Variants in LY6S observed in about 807,000 individuals in gnomAD.
LY6S encodes lymphocyte antigen 6 family member S, also known as lymphocyte antigen 6S.
At chr8:143,043,422 A>C in the LY6S span, among the ~76,000 whole-genome samples, 1 of 152,272 alleles carries the variant, frequency 6.6e-6, no homozygotes, top group Non-Finnish European at 1.5e-5. Flanking sequence ...GCACCCCAAC[A>C]TCTGCTGGCT....
At chr8:143,043,680 T>A in the LY6S span, among the ~76,000 whole-genome samples, 5,958 of 151,702 alleles carry the variant, frequency 0.039, 320 homozygotes, top group East Asian at 0.15. Flanking sequence ...TTTTTTTTTT[T>A]AAATATCTTT....
the LY6S span, chr8:143,047,630 A>C: frequency 1.3e-5 from 2 of 152,242 alleles, no homozygotes; most frequent in Non-Finnish European, 2.9e-5. Flanking sequence ...CAGAGCAGGC[A>C]TATTTGATTT....
chr8:143,065,320 C>T, the LY6S span, among the ~76,000 whole-genome samples: 6 of 152,192 alleles, frequency 3.9e-5, no homozygotes, highest in African/African-American at 1.4e-4. Context: ...TTCTCTTCCT[C>T]CCCTGGGGAA....
the LY6S span, among the ~76,000 whole-genome samples, chr8:143,046,788 T>C: frequency 6.6e-6 from 1 of 151,704 alleles, no homozygotes; most frequent in African/African-American, 2.4e-5. Context: ...TCACCTGAGG[T>C]CAGGAGTTCG....
At chr8:143,070,457 TATATATAA>T in the LY6S span, among the ~76,000 whole-genome samples, 9 of 45,356 alleles carry the variant, frequency 2.0e-4, no homozygotes, top group East Asian at 0.011. Context: ...TATATATATA[TATATATAA>T]TATATATATA....
chr8:143,070,487 A>ATTTTTT, the LY6S span, among the ~76,000 whole-genome samples: 1 of 84,070 alleles, frequency 1.2e-5, no homozygotes, highest in African/African-American at 7.6e-5. Context: ...ATATATATAT[A>ATTTTTT]TATTTTTTTT....
At chr8:143,061,442 C>A in the LY6S span, among the ~76,000 whole-genome samples, 2 of 152,164 alleles carry the variant, frequency 1.3e-5, no homozygotes, top group Admixed American at 6.5e-5. Context: ...AAACATTTAA[C>A]CACAATAGGA....
chr8:143,046,988 C>T, the LY6S span, among the ~76,000 whole-genome samples: 3 of 151,778 alleles, frequency 2.0e-5, no homozygotes, highest in African/African-American at 4.8e-5. Context: ...GTGACAAGAG[C>T]GAAACTCCAT....
At chr8:143,056,995 T>C in the LY6S span, 5 of 233,322 alleles carry the variant, frequency 2.1e-5, no homozygotes, top group Admixed American at 8.2e-5. Context: ...TTAGGAAAAG[T>C]GCTTCTAAAT....
chr8:143,043,163 G>A, the LY6S span: 2 of 1,367,624 alleles, frequency 1.5e-6, no homozygotes, highest in Non-Finnish European at 2.0e-6. Flanking sequence ...GGCTGAGCAG[G>A]AGCTGTACGC....
the LY6S span, among the ~76,000 whole-genome samples, chr8:143,060,533 G>A: frequency 5.3e-4 from 81 of 152,308 alleles, no homozygotes; most frequent in East Asian, 0.014. Flanking sequence ...TACCAAATAG[G>A]GAAGGGCCCC....
the LY6S span, among the ~76,000 whole-genome samples, chr8:143,048,366 G>C: frequency 7.2e-5 from 11 of 151,926 alleles, no homozygotes. Context: ...TTCTGGCCTC[G>C]TTTCAGACAC....
At chr8:143,044,831 G>A in the LY6S span, 1 of 1,358,978 alleles carries the variant, frequency 7.4e-7, no homozygotes, top group Non-Finnish European at 9.8e-7. Flanking sequence ...GGTGACTGCA[G>A]CACATGCCAG....
chr8:143,072,278 G>A, the LY6S span, among the ~76,000 whole-genome samples: 2 of 28,120 alleles, frequency 7.1e-5, no homozygotes, highest in African/African-American at 2.7e-4. Flanking sequence ...CGTCGTCCCC[G>A]GGGTTCCTGT....
the LY6S span, chr8:143,066,377 G>T: frequency 4.9e-6 from 1 of 205,018 alleles, no homozygotes; most frequent in Admixed American, 5.8e-5. Flanking sequence ...GGCCAGGCTG[G>T]TCTGGAACTC....
the LY6S span, chr8:143,044,241 C>T: frequency 2.2e-6 from 1 of 456,236 alleles, no homozygotes; most frequent in Non-Finnish European, 4.4e-6. Context: ...GCTGGTGAGA[C>T]CCGCGGCATG....
the LY6S span, chr8:143,043,179 G>T: frequency 7.3e-7 from 1 of 1,367,910 alleles, no homozygotes; most frequent in Admixed American, 1.9e-5. Context: ...TACGCACAGG[G>T]CCCAGGGGCT....
At chr8:143,054,731 G>A in the LY6S span, among the ~76,000 whole-genome samples, 5 of 152,076 alleles carry the variant, frequency 3.3e-5, no homozygotes, top group African/African-American at 1.2e-4. Context: ...TACCAACATT[G>A]CGCGAGCCGC....
chr8:143,070,493 T>A, the LY6S span, among the ~76,000 whole-genome samples: 17,213 of 102,390 alleles, frequency 0.17, 2,409 homozygotes, highest in Non-Finnish European at 0.2. Flanking sequence ...ATATATATTT[T>A]TTTTTTTTTT....
Sources: gnomAD v4.1 joint callset for allele counts (sites outside exome capture counted in the v4.1 genomes callset) on GRCh38, gnomAD v4.1.1 for gene constraint, MANE v1.5 for transcripts, NCBI Gene and HGNC (gene_info 2026-07-23, HGNC 2026-07-21) for gene names.